The following SHANK2 variants were observed in gnomAD, a reference collection of about 807,000 sequenced individuals.
SHANK2 encodes SH3 and multiple ankyrin repeat domains 2.
A neutral mutation model predicts 133.7 loss-of-function variants in SHANK2; 43 were observed. That is an observed-to-expected ratio of 0.32 (90% confidence interval 0.25 to 0.41). The LOEUF is 0.41. Among genes scored for constraint, SHANK2 ranks in the 10% least tolerant of loss-of-function variants. SHANK2 has a pLI of 1.00. For synonymous variants in SHANK2, 1,017 were observed against 952.8 expected, an observed-to-expected ratio of 1.07 and a Z score of -1.24; for missense variants, 1,994 against 2,235.8, an observed-to-expected ratio of 0.89 and a Z score of 2.18.
At chr11:71,168,998 G>A (rs1953250539) in intron 2 of SHANK2, among the ~76,000 whole-genome samples, 1 of 152,152 alleles carries the variant, frequency 6.6e-6, no homozygotes. Context: ...GAAGGTATTC[G>A]GTTGGTGCAA....
At chr11:71,150,765 G>A (rs1174944829) in intron 2 of SHANK2, among the ~76,000 whole-genome samples, 6 of 151,968 alleles carry the variant, frequency 3.9e-5, no homozygotes, top group African/African-American at 1.2e-4. Flanking sequence ...GGGGACTCTC[G>A]GCTGCGTGGA....
chr11:71,230,611 G>C (rs367771946), intron 1 of SHANK2, among the ~76,000 whole-genome samples: 7 of 150,854 alleles, frequency 4.6e-5, no homozygotes, highest in African/African-American at 1.7e-4. Context: ...AAAGAACTAG[G>C]AAAACTAACA....
intron 11 of SHANK2, among the ~76,000 whole-genome samples, chr11:70,852,021 A>G (rs1348413585): frequency 6.6e-6 from 1 of 152,238 alleles, no homozygotes; most frequent in Non-Finnish European, 1.5e-5. Context: ...CGTGAAAATA[A>G]AACACAGTCC....
intron 11 of SHANK2, among the ~76,000 whole-genome samples, chr11:70,841,527 C>T (rs1490187701): frequency 1.3e-5 from 2 of 152,230 alleles, no homozygotes; most frequent in Admixed American, 6.5e-5. Flanking sequence ...TTGGCCCCAT[C>T]GCTGACCCAG....
At chr11:70,860,352 C>T (rs1555067575) in intron 11 of SHANK2, among the ~76,000 whole-genome samples, 7 of 152,208 alleles carry the variant, frequency 4.6e-5, no homozygotes, top group Non-Finnish European at 1.5e-5. Context: ...GCACACCTGC[C>T]CATCAGATCT....
At chr11:71,058,079 A>G (rs1950943495) in intron 9 of SHANK2, among the ~76,000 whole-genome samples, 1 of 150,272 alleles carries the variant, frequency 6.7e-6, no homozygotes, top group Non-Finnish European at 1.5e-5. Context: ...ATTTTTTTGT[A>G]GAGACGAGGT....
intron 2 of SHANK2, among the ~76,000 whole-genome samples, chr11:71,168,956 C>T (rs929856561): frequency 6.6e-6 from 1 of 152,168 alleles, no homozygotes; most frequent in African/African-American, 2.4e-5. Context: ...TTTGAGCAAA[C>T]AGTGATTTAT....
chr11:71,165,883 T>C (rs1346495645), intron 2 of SHANK2, among the ~76,000 whole-genome samples: 1 of 152,116 alleles, frequency 6.6e-6, no homozygotes, highest in Non-Finnish European at 1.5e-5. Flanking sequence ...GGACCCAGTG[T>C]AGACCATGTC....
chr11:70,781,584 T>TATATATA (rs1565311807), intron 14 of SHANK2, among the ~76,000 whole-genome samples: 1 of 14,502 alleles, frequency 6.9e-5, no homozygotes, highest in African/African-American at 1.7e-4. Flanking sequence ...ATATATATAT[T>TATATATA]TACTTATTTA....
intron 2 of SHANK2, among the ~76,000 whole-genome samples, chr11:71,205,886 A>G (rs559257917): frequency 2.6e-5 from 4 of 152,210 alleles, no homozygotes; most frequent in East Asian, 1.9e-4. Context: ...ATCTGGGAGA[A>G]AGGAAAGGCC....
At chr11:70,627,586 G>A (rs536417999) in intron 17 of SHANK2, among the ~76,000 whole-genome samples, 1 of 152,292 alleles carries the variant, frequency 6.6e-6, no homozygotes, top group East Asian at 1.9e-4. Context: ...GAAGTATTCT[G>A]GATTGCATAT....
At chr11:71,245,766 C>T (rs1555124888) in intron 1 of SHANK2, among the ~76,000 whole-genome samples, 1 of 152,240 alleles carries the variant, frequency 6.6e-6, no homozygotes, top group African/African-American at 2.4e-5. Flanking sequence ...CAGTATCTTC[C>T]CCTGCCAAAG....
intron 2 of SHANK2, among the ~76,000 whole-genome samples, chr11:71,150,716 G>A (rs1464447613): frequency 6.6e-6 from 1 of 152,016 alleles, no homozygotes; most frequent in Non-Finnish European, 1.5e-5. Flanking sequence ...GGAGCACCCT[G>A]TGTCCAACCA....
chr11:71,070,761 T>C (rs1352054299), intron 9 of SHANK2, among the ~76,000 whole-genome samples: 4 of 152,272 alleles, frequency 2.6e-5, no homozygotes, highest in Non-Finnish European at 5.9e-5. Context: ...CAGTGGCAGT[T>C]GAATCGTTAT....
chr11:71,239,727 G>A lies in SHANK2; in HGVS notation c.-113+12698C>T, dbSNP rs145010754. 8.5e-5 allele frequency among the ~76,000 whole-genome samples: 13 copies of A among 152,122 alleles called. No individual in the cohort carries two copies. In the East Asian group the frequency reaches 1.2e-3, roughly 14 times the overall value. ...CTTAAGCAAGCCACCTACCCACATC[G>A]GCCTCCCAGGGTGCTGGGACTACAG... On this transcript the variant is annotated intron_variant, in intron 1 of 25. Transcript: ENST00000601538.
intron 14 of SHANK2, among the ~76,000 whole-genome samples, chr11:70,756,044 G>A (rs981100749): frequency 2.6e-5 from 4 of 152,142 alleles, no homozygotes; most frequent in Admixed American, 6.5e-5. Flanking sequence ...TGATCTTGCG[G>A]AGATGGCTCT....
intron 10 of SHANK2, among the ~76,000 whole-genome samples, chr11:70,917,039 C>A (rs1950280818): frequency 6.6e-6 from 1 of 151,922 alleles, no homozygotes; most frequent in East Asian, 1.9e-4. Flanking sequence ...GGAAAGCGAC[C>A]AAGAGAAGCC....
intron 10 of SHANK2, among the ~76,000 whole-genome samples, chr11:70,902,658 G>T (rs1317855192): frequency 6.6e-6 from 1 of 151,024 alleles, no homozygotes; most frequent in East Asian, 1.9e-4. Context: ...GGCACCACAG[G>T]ATTTTTTTTG....
At chr11:71,170,696 T>C (rs1008681100) in intron 2 of SHANK2, among the ~76,000 whole-genome samples, 17 of 152,198 alleles carry the variant, frequency 1.1e-4, no homozygotes, top group Non-Finnish European at 2.9e-5. Context: ...GTGTTGCCTG[T>C]TCCCGACCTC....
Sources: allele counts gnomAD v4.1 joint callset (sites outside exome capture counted in the v4.1 genomes callset), GRCh38; gene constraint gnomAD v4.1.1; transcripts MANE v1.5; gene names NCBI Gene and HGNC (gene_info 2026-07-23, HGNC 2026-07-21).